Variants in KMT2D observed in about 807,000 individuals in gnomAD.
KMT2D encodes lysine methyltransferase 2D.
A neutral mutation model predicts 512.7 loss-of-function variants in KMT2D; 55 were observed. That is an observed-to-expected ratio of 0.11 (90% confidence interval 0.09 to 0.13). KMT2D has a LOEUF of 0.13. Among genes scored for constraint, KMT2D ranks in the 10% least tolerant of loss-of-function variants. KMT2D has a pLI of 1.00. For synonymous variants in KMT2D, 2,995 were observed against 2,904.0 expected, an observed-to-expected ratio of 1.03 and a Z score of -1.01; for missense variants, 6,061 against 7,127.9, an observed-to-expected ratio of 0.85 and a Z score of 5.39.
rs2120602268 is a variant in KMT2D at position 49,046,182 on chromosome 12, A to T, written c.4584-8T>A. ...CAGCCTGCATGCATCCACCTGGAGA[A>T]CAGAGACTGGAGGAAATAAGCTCAG... On this transcript the variant is annotated splice_polypyrimidine_tract_variant and splice_region_variant and intron_variant, in intron 17 of 54. Transcript: ENST00000301067. This position sits in a 1 kb window ranked among gnomAD's most constrained non-coding sequence, Gnocchi z 4.2. 6.2e-7 allele frequency: 1 copy of T among 1,612,068 alleles called. No homozygotes were observed. Among genetic ancestry groups the T allele is most frequent in the East Asian group, 2.2e-5 (1 of 44,838 alleles).
intron 39 of KMT2D, 30 bp downstream of exon 39, chr12:49,034,037 G>A: frequency 6.3e-7 from 1 of 1,597,732 alleles, no homozygotes; most frequent in Non-Finnish European, 8.5e-7. Flanking sequence ...CTGCCTTCTG[G>A]GTGCTAGGCT....
In KMT2D at chr12:49,048,007, C is replaced by A. The variant is rs578163394; in HGVS notation, c.4194G>T (p.Ser1398=). ...RGAEGHLLAC[S]QCSQCYHPYC... ...AAGGGTGATAGCACTGAGAGCACTG[C>A]GAACAGGCAAGGAGGTGGCCCTCTG... The change falls in exon 15 of 55, where the codon TCG becomes TCT. Residue 1398 remains serine (S), a synonymous_variant. Transcript: ENST00000301067. 1 of 1,613,476 alleles carries A rather than the reference C, an allele frequency of 6.2e-7. No homozygotes were observed. Among genetic ancestry groups the A allele is most frequent in the East Asian group, 2.2e-5 (1 of 44,850 alleles).
chr12:49,041,554 C>T lies in KMT2D; in HGVS notation c.6235-19G>A, dbSNP rs1204977916. 11 of 1,612,910 alleles carry T rather than the reference C, an allele frequency of 6.8e-6. No individual in the cohort carries two copies. Among genetic ancestry groups the T allele is most frequent in the Non-Finnish European group, 8.5e-6 (10 of 1,179,334 alleles). On this transcript the variant is annotated intron_variant, in intron 31 of 54. Coordinates refer to ENST00000301067, the MANE Select transcript of KMT2D (RefSeq NM_003482.4). This position sits in a 1 kb window ranked among gnomAD's most constrained non-coding sequence, Gnocchi z 5.4. ...CAGCCTGCTACAGGGGGAGACCAGG[C>T]ATAGGGCAGTCAGGCTGCTGCAGGC...
Position 49,042,644 on chromosome 12 carries a change from A to C in KMT2D, c.5784T>G (p.Gly1928=), listed in dbSNP as rs2120558147. 3.1e-6 allele frequency: 5 copies of C among 1,613,028 alleles called. No individual in the cohort carries two copies. The highest frequency in any genetic ancestry group is 3.4e-6 in the Non-Finnish European group (4 of 1,179,344). The part of the protein sequence containing the change: ...RTPLQRPFLQ[G]GLPLGNLPSS... ...AGGGCAGATTGCCCAAAGGGAGTCCACCTACAAGACGGACAGGATCAGAGA... is the reference window on the plus strand; with the variant it reads ...AGGGCAGATTGCCCAAAGGGAGTCCCCCTACAAGACGGACAGGATCAGAGA... Residue 1928 remains glycine, a splice_region_variant and synonymous_variant, in exon 28 of 55, where the codon GGT becomes GGG. Transcript: ENST00000301067. This position sits in a 1 kb window ranked among gnomAD's most constrained non-coding sequence, Gnocchi z 4.4.
At chr12:49,047,416 T>C (rs1211323797) in intron 15 of KMT2D, among the ~76,000 whole-genome samples, 2 of 141,426 alleles carry the variant, frequency 1.4e-5, no homozygotes, top group African/African-American at 2.7e-5. Context: ...CTTTTTTTTT[T>C]TTTTTTTTTT....
Position 49,042,755 on chromosome 12 carries a change from C to T in KMT2D, c.5768G>A (p.Arg1923Lys). ...GLEGSRTPLQ[R>K]PFLQGGLPLG... ...ACCTGTATTACCTTGAAGAAAGGGC[C>T]TCTGCAGTGGCGTACGGCTGCCTTC... Residue 1923 changes from arginine (R) to lysine (K), a missense_variant, in exon 27 of 55, where the codon AGG becomes AAG. Transcript: ENST00000301067. The surrounding 1 kb of genome is among the most constrained non-coding windows in gnomAD (Gnocchi z 4.4). 1 of 1,613,546 alleles carries T rather than the reference C, an allele frequency of 6.2e-7. No individual in the cohort carries two copies. Among genetic ancestry groups the T allele is most frequent in the Non-Finnish European group, 8.5e-7 (1 of 1,179,634 alleles).
chr12:49,034,829 C>A lies in KMT2D; in HGVS notation c.10338G>T (p.Val3446=). ...KKVMAQGSIG[V]APGMNRQQVS... Reference sequence around the variant, plus strand: ...AGTCTTACCTGTTCATACCAGGTGCCACCCCAATGCTGCCCTGAGCCATCA... The same window carrying A: ...AGTCTTACCTGTTCATACCAGGTGCAACCCCAATGCTGCCCTGAGCCATCA... The change falls in exon 36 of 55, where the codon GTG becomes GTT. Residue 3446 remains valine, a synonymous_variant. Coordinates refer to ENST00000301067, the MANE Select transcript of KMT2D (RefSeq NM_003482.4). The A allele has an allele frequency of 6.2e-7, 1 of 1,613,968 alleles. No individual in the cohort carries two copies. Among genetic ancestry groups the A allele is most frequent in the Non-Finnish European group, 8.5e-7 (1 of 1,179,884 alleles).
At position 49,033,140 on chromosome 12, in the gene KMT2D, G is replaced by A; in HGVS notation, c.11565C>T (p.Ala3855=). 1 of 1,550,104 alleles carries A rather than the reference G, an allele frequency of 6.5e-7. No homozygotes were observed. The highest frequency in any genetic ancestry group is 8.7e-7 in the Non-Finnish European group (1 of 1,146,426). ...GCTGTTGTTGCTGCTGCTGCTGCTG[G>A]GCTGTGACCAGCCTGTGTCCCATAA... The part of the protein sequence containing the change: ...QGLMGHRLVT[A]QQQQQQQQHQ... The change falls in exon 40 of 55, where the codon GCC becomes GCT. Residue 3855 remains alanine, a synonymous_variant. Coordinates refer to ENST00000301067, the MANE Select transcript of KMT2D (RefSeq NM_003482.4).
chr12:49,058,002 A>G (rs1201552257), intron 1 of KMT2D, among the ~76,000 whole-genome samples: 2 of 152,186 alleles, frequency 1.3e-5, no homozygotes, highest in Admixed American at 6.5e-5. Context: ...CTTTCACTCC[A>G]TTTTCCCAGA....
At chr12:49,028,804 C>T (rs1942741714) in intron 46 of KMT2D, 24 bp downstream of exon 46, 1 of 1,611,580 alleles carries the variant, frequency 6.2e-7, no homozygotes, top group African/African-American at 1.3e-5. Flanking sequence ...TTCCCCTCAG[C>T]CTCGAGGTAC....
In KMT2D at chr12:49,019,113, CA is replaced by C. The variant is rs1942162896; in HGVS notation, c.*2666del. 5.1e-6 allele frequency: 6 copies of C among 1,172,204 alleles called. No homozygotes were observed. The highest frequency in any genetic ancestry group is 6.4e-6 in the Non-Finnish European group (6 of 944,750). 72.6% of individuals were successfully genotyped at this position (1,172,204 alleles called of 1,614,324 possible). Reference sequence around the variant, plus strand: ...TCGCTGATACAAAACATGCCAAGGACAGGGGCGCTGAGGGTGGAGGGAGAGA... The same window carrying C: ...TCGCTGATACAAAACATGCCAAGGACGGGGCGCTGAGGGTGGAGGGAGAGA... On this transcript the variant is annotated 3_prime_UTR_variant, in exon 55 of 55. Transcript: ENST00000301067.
At position 49,044,962 on chromosome 12, in the gene KMT2D, G is replaced by C. The variant is rs370444484; in HGVS notation, c.4745C>G (p.Pro1582Arg). The C allele has an allele frequency of 6.2e-7, 1 of 1,613,408 alleles. No homozygotes were observed. The highest frequency in any genetic ancestry group is 8.5e-7 in the Non-Finnish European group (1 of 1,179,334). The change falls in exon 20 of 55, where the codon CCC becomes CGC. Residue 1582 changes from proline (P) to arginine (R), a missense_variant. Pro to Arg is a moderately radical substitution (Grantham distance 103). This residue lies in a region of KMT2D where 640 missense variants were observed against 814.3 expected (regional missense o/e 0.79). Coordinates refer to ENST00000301067, the MANE Select transcript of KMT2D (RefSeq NM_003482.4). The surrounding 1 kb of genome is among the most constrained non-coding windows in gnomAD (Gnocchi z 6.4). ...CACACCTTCGAAGCGAAAGTACTGG[G>C]GCTCTGCATAAGAGGAAAGAGTATG... ...LVPMKVKEPE[P>R]QYFRFEGVWL...
Position 49,039,622 on chromosome 12 carries a change from GC to G in KMT2D, c.8047-6del. The G allele has an allele frequency of 6.2e-7, 1 of 1,603,556 alleles. No homozygotes were observed. The highest frequency in any genetic ancestry group is 8.5e-7 in the Non-Finnish European group (1 of 1,177,782). On this transcript the variant is annotated splice_region_variant and splice_polypyrimidine_tract_variant and intron_variant, in intron 32 of 54. Transcript: ENST00000301067. This position sits in a 1 kb window ranked among gnomAD's most constrained non-coding sequence, Gnocchi z 5.0. ...CAGCTCTCGTAGTCGCTGGCGCTAT[GC>G]AAAAAAAAGAGAAGAGGAATAAGCC... is the stretch of plus-strand genomic sequence containing the variant.
Position 49,033,590 on chromosome 12 carries a change from A to T in KMT2D, c.11115T>A (p.Ala3705=), listed in dbSNP as rs2120444341. 6.2e-7 allele frequency: 1 copy of T among 1,613,542 alleles called. No homozygotes were observed. The highest frequency in any genetic ancestry group is 8.5e-7 in the Non-Finnish European group (1 of 1,179,828). Residue 3705 remains alanine, a synonymous_variant, in exon 40 of 55, where the codon GCT becomes GCA. Transcript: ENST00000301067. ...PSGGFFPGNL[A]LRSLGPDSRL... ...TTGAATCAGGTCCGAGGCTTCGAAG[A>T]GCAAGGTTGCCAGGGAAGAAGCCCC... is the stretch of plus-strand genomic sequence containing the variant.
rs1197695391 is a variant in KMT2D at position 49,037,404 on chromosome 12, C to T, written c.9952G>A (p.Ala3318Thr). 1 of 1,604,912 alleles carries T rather than the reference C, an allele frequency of 6.2e-7. No homozygotes were observed. Among genetic ancestry groups the T allele is most frequent in the Non-Finnish European group, 8.5e-7 (1 of 1,176,166 alleles). The part of the protein sequence containing the change: ...GSQQQLSLGL[A>T]GARQPGLPQP... ...GGCAAACCTGGCTGTCGGGCACCTG[C>T]AAGACCCAGGGAAAGCTGCTGTTGG... Residue 3318 changes from alanine to threonine, a missense_variant, in exon 35 of 55, where the codon GCA (alanine) becomes ACA (threonine). Transcript: ENST00000301067.
rs781298432 is a variant in KMT2D, at chr12:49,041,539, CA to C, written c.6235-5del. The C allele has an allele frequency of 6.2e-7, 1 of 1,613,292 alleles. No homozygotes were observed. Among genetic ancestry groups the C allele is most frequent in the Non-Finnish European group, 8.5e-7 (1 of 1,179,534 alleles). On this transcript the variant is annotated splice_polypyrimidine_tract_variant and splice_region_variant and intron_variant, in intron 31 of 54. Transcript: ENST00000301067. The surrounding 1 kb of genome is among the most constrained non-coding windows in gnomAD (Gnocchi z 5.4). The stretch of plus-strand genomic sequence containing the variant: ...TGTTGATCTGGCTCTCAGCCTGCTA[CA>C]GGGGGAGACCAGGCATAGGGCAGTC...
rs1938145917 is a variant in KMT2D at position 49,052,658 on chromosome 12, C to T, written c.1164G>A (p.Leu388=). The T allele has an allele frequency of 1.2e-6, 2 of 1,613,766 alleles. No homozygotes were observed. The highest frequency in any genetic ancestry group is 1.7e-6 in the Non-Finnish European group (2 of 1,179,776). ...GDTPTDEPDA[L]YVACQGQPKG... The stretch of plus-strand genomic sequence containing the variant: ...TTGGCTGCCCTTGGCATGCAACGTA[C>T]AGAGCATCGGGCTCGTCAGTGGGGG... Residue 388 remains leucine, a synonymous_variant, in exon 10 of 55, where the codon CTG becomes CTA. Coordinates refer to ENST00000301067, the MANE Select transcript of KMT2D (RefSeq NM_003482.4).
intron 43 of KMT2D, among the ~76,000 whole-genome samples, chr12:49,029,697 G>A (rs1331818617): frequency 5.2e-5 from 7 of 133,760 alleles, no homozygotes; most frequent in East Asian, 2.2e-4. Flanking sequence ...TTTTTTTCCC[G>A]TAGAGATGGG....
rs1320297688 is a variant in KMT2D, at chr12:49,024,479, C to T, written c.16052+99G>A. ...TAAGAGTGATTCCCCATTTTCTCCA[C>T]GGGAACTCTGATCTGTATCCTAAAT... is the stretch of plus-strand genomic sequence containing the variant. On this transcript the variant is annotated intron_variant, in intron 51 of 54. Coordinates refer to ENST00000301067, the MANE Select transcript of KMT2D (RefSeq NM_003482.4). The surrounding 1 kb of genome is among the most constrained non-coding windows in gnomAD (Gnocchi z 4.5). 4.9e-5 allele frequency: 72 copies of T among 1,455,620 alleles called. No individual in the cohort carries two copies. Among genetic ancestry groups the T allele is most frequent in the Non-Finnish European group, 6.0e-5 (65 of 1,083,032 alleles). The allele number at this position is 1,455,620 out of a possible 1,614,324, so 90.2% of individuals were successfully genotyped here. A position where few individuals can be genotyped will look rare whatever the true frequency, so the allele number is the denominator to read the frequency against.
Sources: allele counts gnomAD v4.1 joint callset (sites outside exome capture counted in the v4.1 genomes callset), GRCh38; gene constraint gnomAD v4.1.1; regional missense constraint gnomAD v4.1.1; non-coding constraint Gnocchi (gnomAD v3.1); transcripts MANE v1.5; gene names NCBI Gene and HGNC (gene_info 2026-07-23, HGNC 2026-07-21).